Variants in TRPM6 observed in about 807,000 individuals in gnomAD.
TRPM6 encodes transient receptor potential cation channel subfamily M member 6.
TRPM6 carries 111 observed loss-of-function variants against 247.6 expected under a neutral mutation model. The ratio of observed to expected loss-of-function variants is 0.45; its 90% CI spans 0.38 to 0.52. TRPM6 has a LOEUF of 0.52. Ranked by LOEUF, TRPM6 falls within the 20% of genes least tolerant of loss-of-function variation. The pLI is 0.00. For missense variants in TRPM6, 2,126 were observed against 2,421.5 expected (o/e 0.88, Z 2.56); for synonymous variants, 892 against 853.8 (o/e 1.04, Z -0.78).
chr9:74,783,092 T>A (rs1827520768), intron 21 of TRPM6, among the ~76,000 whole-genome samples: 1 of 152,202 alleles, frequency 6.6e-6, no homozygotes, highest in African/African-American at 2.4e-5. Flanking sequence ...GAGGAGAGAA[T>A]CTGTGCTTCT....
chr9:74,748,800 T>C (rs1576109), intron 30 of TRPM6, among the ~76,000 whole-genome samples: 1 of 151,960 alleles, frequency 6.6e-6, no homozygotes, highest in Non-Finnish European at 1.5e-5. Context: ...TTGGTTATTT[T>C]AAAAAGAAAA....
At chr9:74,768,376 T>C (rs986310821) in intron 25 of TRPM6, among the ~76,000 whole-genome samples, 4 of 152,228 alleles carry the variant, frequency 2.6e-5, no homozygotes, top group East Asian at 1.9e-4. Context: ...ACTCCTACAG[T>C]TGACTGTCCC....
rs1240109202 is a variant in TRPM6, at chr9:74,785,051, G to A, written c.2919+823C>T. Among the ~76,000 whole-genome samples, 8 of 152,218 alleles carry A rather than the reference G, an allele frequency of 5.3e-5. No individual in the cohort carries two copies. The East Asian group carries it at 1.5e-3, about 29-fold the overall frequency. ...GAGCCTGGGAGGGTGAGGGTGCAGT[G>A]AGCCGTGATCGCACCACTGCACTCC... On this transcript the variant is annotated intron_variant, in intron 21 of 38. Coordinates refer to ENST00000360774, the MANE Select transcript of TRPM6 (RefSeq NM_017662.5).
chr9:74,886,061 T>A (rs1241944094), intron 1 of TRPM6, among the ~76,000 whole-genome samples: 1 of 152,208 alleles, frequency 6.6e-6, no homozygotes, highest in Non-Finnish European at 1.5e-5. Flanking sequence ...ATAGGCAAGA[T>A]AAGACCAAAA....
chr9:74,849,766 G>A (rs776444870), intron 3 of TRPM6, among the ~76,000 whole-genome samples: 1 of 152,224 alleles, frequency 6.6e-6, no homozygotes, highest in Non-Finnish European at 1.5e-5. Context: ...GATGTGTCCT[G>A]GAGCAAAAGC....
chr9:74,766,246 G>T (rs1826821174), intron 25 of TRPM6, among the ~76,000 whole-genome samples: 1 of 152,164 alleles, frequency 6.6e-6, no homozygotes, highest in Non-Finnish European at 1.5e-5. Flanking sequence ...CAGGTCCCTT[G>T]CTTTTATAGA....
At chr9:74,885,552 G>C (rs1192632475) in intron 1 of TRPM6, among the ~76,000 whole-genome samples, 1 of 152,086 alleles carries the variant, frequency 6.6e-6, no homozygotes. Context: ...ATAAAACTAA[G>C]AAGTAAAGAA....
intron 20 of TRPM6, among the ~76,000 whole-genome samples, chr9:74,788,238 C>G (rs929665903): frequency 4.6e-5 from 7 of 151,984 alleles, no homozygotes; most frequent in African/African-American, 1.7e-4. Flanking sequence ...TAATGCTAGG[C>G]AACAAAAATC....
At position 74,751,750 on chromosome 9, in the gene TRPM6, G is replaced by A. The variant is rs528131535; in HGVS notation, c.4998+527C>T. On this transcript the variant is annotated intron_variant, in intron 29 of 38. Transcript: ENST00000360774. ...GCAAGGCTTGAATCCCCTCCATCAT[G>A]CCTGCAAAGAGGTTTGTTCAGCCTA... Among the ~76,000 whole-genome samples, 4 of 152,270 alleles carry A rather than the reference G, an allele frequency of 2.6e-5. No homozygotes were observed. In the South Asian group the frequency reaches 8.3e-4, roughly 32 times the overall value.
At chr9:74,859,690 C>T (rs1830638078) in intron 1 of TRPM6, among the ~76,000 whole-genome samples, 1 of 151,550 alleles carries the variant, frequency 6.6e-6, no homozygotes, top group African/African-American at 2.4e-5. Context: ...ATGAGAATCG[C>T]TTGAACCTGG....
chr9:74,757,416 A>G (rs895073627), intron 27 of TRPM6, among the ~76,000 whole-genome samples: 8 of 150,218 alleles, frequency 5.3e-5, no homozygotes, highest in African/African-American at 9.8e-5. Context: ...AAATACAAAA[A>G]TCAGCTGGGC....
intron 36 of TRPM6, among the ~76,000 whole-genome samples, chr9:74,736,812 C>G (rs1825711811): frequency 6.6e-6 from 1 of 152,204 alleles, no homozygotes; most frequent in Non-Finnish European, 1.5e-5. Flanking sequence ...GTCAACGCAG[C>G]ATTTGTTCTG....
chr9:74,827,915 A>T lies in TRPM6; in HGVS notation c.704T>A (p.Leu235His). The part of the protein sequence containing the change: ...VCLYQTLDNP[L>H]SKLTTLNSMH... ...GCTGTTGAGTGTTGTGAGCTTGCTG[A>T]GGGGGTTATCCAGAGTCTGGTACAG... is the stretch of plus-strand genomic sequence containing the variant. The change falls in exon 7 of 39, where the codon CTC (leucine) becomes CAC (histidine). Residue 235 changes from leucine to histidine, a missense_variant. Leu to His is a moderately conservative substitution (Grantham distance 99). Around this residue, in one of 3 missense-constraint regions of TRPM6, gnomAD observed 1,082 missense variants for 1,307.9 expected, o/e 0.83. Coordinates refer to ENST00000360774, the MANE Select transcript of TRPM6 (RefSeq NM_017662.5). 6 of 1,614,014 alleles carry T rather than the reference A, an allele frequency of 3.7e-6. No homozygotes were observed. Among genetic ancestry groups the T allele is most frequent in the Non-Finnish European group, 5.1e-6 (6 of 1,179,992 alleles).
rs1828938226 is a variant in TRPM6, at chr9:74,816,551, G to A, written c.1308+118C>T. ...GTGTCTTAGCTATCCCAGCTACAGA[G>A]ATGCTACCCCACACTTCTACCAAAC... On this transcript the variant is annotated intron_variant, in intron 11 of 38. Coordinates refer to ENST00000360774, the MANE Select transcript of TRPM6 (RefSeq NM_017662.5). 3 of 787,612 alleles carry A rather than the reference G, an allele frequency of 3.8e-6. No individual in the cohort carries two copies. The East Asian group carries it at 8.1e-5, about 21-fold the overall frequency. The allele number at this position is 787,612 out of a possible 1,614,324, so 48.8% of individuals were successfully genotyped here.
intron 8 of TRPM6, among the ~76,000 whole-genome samples, chr9:74,821,293 C>T (rs535488022): frequency 1.3e-5 from 2 of 152,232 alleles, no homozygotes; most frequent in South Asian, 4.1e-4. Context: ...CTGCTATTTC[C>T]ATTAAGGGCA....
rs1270391366 is a variant in TRPM6 at position 74,775,941 on chromosome 9, G to T, written c.3345C>A (p.Leu1115=). The change falls in exon 24 of 39, where the codon CTC becomes CTA. Residue 1115 remains leucine (L), a synonymous_variant. Coordinates refer to ENST00000360774, the MANE Select transcript of TRPM6 (RefSeq NM_017662.5). ...LILLSHVGLL[L]RRLCCHRAPH... is the part of the protein sequence containing the mutation. ...GAGCTCGATGACAGCACAGGCGGCG[G>T]AGGAGAAGGCCCACGTGGCTCAGCA... is the stretch of plus-strand genomic sequence containing the variant. 2 of 1,614,184 alleles carry T rather than the reference G, an allele frequency of 1.2e-6. 1 individual carries two copies. Among genetic ancestry groups the T allele is most frequent in the South Asian group, 2.2e-5 (2 of 91,084 alleles).
intron 1 of TRPM6, among the ~76,000 whole-genome samples, chr9:74,869,770 C>T (rs1277528369): frequency 1.3e-5 from 2 of 151,080 alleles, no homozygotes; most frequent in Admixed American, 6.6e-5. Flanking sequence ...ATGCAATGAG[C>T]GAATGGAAAT....
intron 6 of TRPM6, among the ~76,000 whole-genome samples, chr9:74,830,492 C>A (rs1435901921): frequency 6.6e-6 from 1 of 151,998 alleles, no homozygotes; most frequent in Non-Finnish European, 1.5e-5. Context: ...GCCTCCCGGG[C>A]TCGAGCGATC....
In TRPM6 at chr9:74,744,079, T is replaced by C; in HGVS notation, c.5134+16A>G. ...ATTTAGCTCAGCTGACATGTCTATG[T>C]GCATATGCATCCTACCTGAATAATG... On this transcript the variant is annotated intron_variant, in intron 32 of 38. Coordinates refer to ENST00000360774, the MANE Select transcript of TRPM6 (RefSeq NM_017662.5). The C allele has an allele frequency of 1.2e-6, 2 of 1,613,230 alleles. No homozygotes were observed. Among genetic ancestry groups the C allele is most frequent in the Non-Finnish European group, 1.7e-6 (2 of 1,179,170 alleles).
Sources: gnomAD v4.1 joint callset for allele counts (sites outside exome capture counted in the v4.1 genomes callset) on GRCh38, gnomAD v4.1.1 for gene constraint, gnomAD v4.1.1 regional missense constraint, MANE v1.5 for transcripts, NCBI Gene and HGNC (gene_info 2026-07-23, HGNC 2026-07-21) for gene names.